The following TNFSF4 variants were observed in gnomAD, a reference collection of about 807,000 sequenced individuals.
TNFSF4 encodes the protein TNF superfamily member 4, also known as tumor necrosis factor ligand superfamily member 4.
Under a neutral mutation model 7.3 loss-of-function variants are expected in TNFSF4, and 4 were observed. The observed-to-expected ratio is 0.55, with a 90% CI of 0.27 to 1.25. TNFSF4 has a LOEUF of 1.25. Among genes scored for constraint, TNFSF4 ranks in the 50% most tolerant of loss-of-function variants. The probability of loss-of-function intolerance (pLI) is 0.12; values close to 1 mark genes in which losing one functional copy is unlikely to be tolerated. For missense variants in TNFSF4, 181 were observed against 208.8 expected (o/e 0.87, Z 0.82); for synonymous variants, 76 against 83.7 (o/e 0.91, Z 0.50).
chr1:173,359,847 A>G, the TNFSF4 span, among the ~76,000 whole-genome samples: 2 of 152,228 alleles, frequency 1.3e-5, no homozygotes, highest in Admixed American at 1.3e-4. Flanking sequence ...AGGCTACTTG[A>G]GGCCAAAGGT....
intron 1 of TNFSF4, among the ~76,000 whole-genome samples, chr1:173,197,986 CATTACCAGTTGCAT>C (rs1271662303): frequency 6.6e-6 from 1 of 151,904 alleles, no homozygotes; most frequent in Non-Finnish European, 1.5e-5. Flanking sequence ...TCACGGTGCA[CATTACCAGTTGCAT>C]ATTGTCATAA....
the TNFSF4 span, among the ~76,000 whole-genome samples, chr1:173,433,524 A>G: frequency 1.4e-5 from 2 of 147,872 alleles, no homozygotes; most frequent in Admixed American, 6.7e-5. Flanking sequence ...GCGAAACCCT[A>G]TCTCTACAAA....
At chr1:173,403,801 C>G in the TNFSF4 span, among the ~76,000 whole-genome samples, 1 of 151,652 alleles carries the variant, frequency 6.6e-6, no homozygotes. Flanking sequence ...ACTTGGGAGG[C>G]TGAGGCAAGA....
chr1:173,324,059 G>C, the TNFSF4 span, among the ~76,000 whole-genome samples: 2 of 152,142 alleles, frequency 1.3e-5, no homozygotes, highest in Non-Finnish European at 2.9e-5. Flanking sequence ...ACACATAATT[G>C]TCGGATTCAC....
At chr1:173,411,645 C>G in the TNFSF4 span, among the ~76,000 whole-genome samples, 1 of 151,430 alleles carries the variant, frequency 6.6e-6, no homozygotes, top group Non-Finnish European at 1.5e-5. Flanking sequence ...ACTAAAAATA[C>G]AAAAAAATTA....
the TNFSF4 span, among the ~76,000 whole-genome samples, chr1:173,409,979 A>T: frequency 2.0e-5 from 3 of 152,210 alleles, no homozygotes; most frequent in Non-Finnish European, 4.4e-5. Context: ...TAAATTTTTT[A>T]AAAAACCAGG....
the TNFSF4 span, among the ~76,000 whole-genome samples, chr1:173,380,591 C>CCA: frequency 6.6e-6 from 1 of 152,132 alleles, no homozygotes; most frequent in African/African-American, 2.4e-5. Context: ...ATACTACCTG[C>CCA]ATGACCATTC....
At chr1:173,230,874 A>G in the TNFSF4 span, among the ~76,000 whole-genome samples, 2 of 152,110 alleles carry the variant, frequency 1.3e-5, no homozygotes, top group Non-Finnish European at 1.5e-5. Context: ...GGACACATAC[A>G]CCCTCCAAAG....
chr1:173,281,961 T>G, the TNFSF4 span, among the ~76,000 whole-genome samples: 2 of 152,114 alleles, frequency 1.3e-5, no homozygotes, highest in Admixed American at 6.6e-5. Flanking sequence ...ATGCACAACC[T>G]CCACACAATC....
At chr1:173,255,397 G>A in the TNFSF4 span, among the ~76,000 whole-genome samples, 1 of 152,118 alleles carries the variant, frequency 6.6e-6, no homozygotes, top group Non-Finnish European at 1.5e-5. Context: ...TGACCTCTAG[G>A]GGGAGCTCAA....
intron 1 of TNFSF4, among the ~76,000 whole-genome samples, chr1:173,195,426 C>T (rs10912561): frequency 0.32 from 48,029 of 152,114 alleles, 8,990 homozygotes; most frequent in African/African-American, 0.51. Flanking sequence ...AAGTACAAAG[C>T]AGGCTCCCCA....
the TNFSF4 span, among the ~76,000 whole-genome samples, chr1:173,431,454 TGCTGGGGGCCCA>T: frequency 2.6e-5 from 4 of 152,362 alleles, no homozygotes; most frequent in African/African-American, 9.6e-5. Flanking sequence ...CCTTGGGCCC[TGCTGGGGGCCCA>T]AAATCAGCCT....
At chr1:173,223,455 CA>C in the TNFSF4 span, among the ~76,000 whole-genome samples, 154 of 151,470 alleles carry the variant, frequency 1.0e-3, no homozygotes, top group Middle Eastern at 6.8e-3. Context: ...CCCGCCCCCC[CA>C]AAAAAAATAA....
the TNFSF4 span, among the ~76,000 whole-genome samples, chr1:173,378,302 C>T: frequency 6.6e-6 from 1 of 151,000 alleles, no homozygotes; most frequent in African/African-American, 2.4e-5. Flanking sequence ...ATTGCAGGTT[C>T]TTGGGCAAGA....
the TNFSF4 span, among the ~76,000 whole-genome samples, chr1:173,256,318 A>G: frequency 6.6e-6 from 1 of 152,124 alleles, no homozygotes; most frequent in Non-Finnish European, 1.5e-5. Flanking sequence ...TCAGATCAAG[A>G]TGTCAGCTGA....
the TNFSF4 span, among the ~76,000 whole-genome samples, chr1:173,402,488 C>T: frequency 1.3e-5 from 2 of 152,336 alleles, no homozygotes; most frequent in African/African-American, 4.8e-5. Flanking sequence ...TATTTCCACA[C>T]CTGACCTAAT....
chr1:173,359,142 G>C, the TNFSF4 span, among the ~76,000 whole-genome samples: 7 of 152,034 alleles, frequency 4.6e-5, 1 homozygote, highest in African/African-American at 1.7e-4. Context: ...TATGTCATAC[G>C]TAATAATGTA....
At chr1:173,303,274 T>C in the TNFSF4 span, among the ~76,000 whole-genome samples, 1 of 151,830 alleles carries the variant, frequency 6.6e-6, no homozygotes, top group African/African-American at 2.4e-5. Context: ...CCAAGTCTGC[T>C]TTTAGCTTAC....
At chr1:173,376,610 G>A in the TNFSF4 span, among the ~76,000 whole-genome samples, 2 of 152,114 alleles carry the variant, frequency 1.3e-5, no homozygotes, top group Admixed American at 6.6e-5. Flanking sequence ...AGTGTTCTAT[G>A]TCTAACTAAA....
Sources: gnomAD v4.1 joint callset for allele counts (sites outside exome capture counted in the v4.1 genomes callset) on GRCh38, gnomAD v4.1.1 for gene constraint, MANE v1.5 for transcripts, NCBI Gene and HGNC (gene_info 2026-07-23, HGNC 2026-07-21) for gene names.